The following CLHC1 variants were observed in gnomAD, a reference collection of about 807,000 sequenced individuals.
CLHC1 encodes clathrin heavy chain linker domain containing 1, also known as clathrin heavy chain linker domain-containing protein 1.
A neutral mutation model predicts 69.5 loss-of-function variants in CLHC1; 72 were observed. The ratio of observed to expected loss-of-function variants is 1.04; its 90% CI spans 0.86 to 1.26. The LOEUF (loss-of-function observed/expected upper bound fraction) is 1.26, where lower values mean the gene tolerates loss of function less well. Among genes scored for constraint, CLHC1 ranks in the 50% most tolerant of loss-of-function variants. The pLI, the probability that CLHC1 is intolerant of heterozygous loss-of-function variation, is 0.00. For synonymous variants in CLHC1, 223 were observed against 224.3 expected (o/e 0.99, Z 0.05); for missense variants, 790 against 679.3 (o/e 1.16, Z -1.81).
At chr2:55,220,726 T>C (rs1674031626) in intron 3 of CLHC1, among the ~76,000 whole-genome samples, 1 of 152,216 alleles carries the variant, frequency 6.6e-6, no homozygotes. Flanking sequence ...CATGCAAAGA[T>C]AAACATGTTA....
chr2:55,222,040 A>G (rs1674175822), intron 3 of CLHC1, among the ~76,000 whole-genome samples, 195 bp downstream of exon 3: 1 of 152,214 alleles, frequency 6.6e-6, no homozygotes, highest in Admixed American at 6.5e-5. Context: ...ACACTCATTC[A>G]CAGTCAGGAA....
chr2:55,221,669 G>T (rs1180324487), intron 3 of CLHC1, among the ~76,000 whole-genome samples: 2 of 152,304 alleles, frequency 1.3e-5, no homozygotes, highest in East Asian at 3.9e-4. Flanking sequence ...ATACAGCCAG[G>T]TAGTTGATCA....
intron 2 of CLHC1, chr2:55,224,426 C>T: frequency 2.3e-6 from 1 of 430,278 alleles, no homozygotes; most frequent in Non-Finnish European, 4.7e-6. Flanking sequence ...CACAAAGGAT[C>T]CCTTCACCTC....
upstream of CLHC1, chr2:55,232,344 G>T: frequency 4.0e-6 from 1 of 252,406 alleles, no homozygotes; most frequent in East Asian, 9.9e-5. Flanking sequence ...GAAGAAAGCA[G>T]TGGAGAACTA....
chr2:55,205,447 A>C (rs1672351675), intron 9 of CLHC1, among the ~76,000 whole-genome samples: 3 of 151,942 alleles, frequency 2.0e-5, no homozygotes, highest in Admixed American at 6.6e-5. Context: ...ACACCACAGA[A>C]TACTACTCAG....
chr2:55,184,243 C>T (rs949531824), intron 9 of CLHC1, among the ~76,000 whole-genome samples: 1 of 151,778 alleles, frequency 6.6e-6, no homozygotes, highest in African/African-American at 2.4e-5. Context: ...GTAGCTGGGA[C>T]TATAGTAATG....
At chr2:55,181,799 T>A in intron 9 of CLHC1, 55 bp from the exon 10 acceptor site, 1 of 1,363,970 alleles carries the variant, frequency 7.3e-7, no homozygotes, top group Non-Finnish European at 1.0e-6. Context: ...AGTTTGCTTT[T>A]TCTTATCTCA....
chr2:55,229,886 C>G (rs923259044), intron 1 of CLHC1, among the ~76,000 whole-genome samples: 2 of 152,132 alleles, frequency 1.3e-5, no homozygotes, highest in Non-Finnish European at 2.9e-5. Context: ...CCAGCCTGAC[C>G]AACATGGAAA....
At chr2:55,219,817 G>T (rs1673939714) in intron 3 of CLHC1, among the ~76,000 whole-genome samples, 2 of 152,134 alleles carry the variant, frequency 1.3e-5, no homozygotes, top group South Asian at 4.1e-4. Flanking sequence ...TCCTCCATAT[G>T]GATCTGAACT....
rs141634760 is a variant in CLHC1, at chr2:55,180,577, G to A, written c.1317C>T (p.Cys439=). ...ECGLHKKAIL[C]LCKQGQTHRV... ...TATGAGTCTGACCCTGTTTACACAA[G>A]CAAAGAATAGCTTTCTTGTGCAGGC... Residue 439 remains cysteine (C), a synonymous_variant, in exon 11 of 13, where the codon TGC becomes TGT. Coordinates refer to ENST00000401408, the MANE Select transcript of CLHC1 (RefSeq NM_152385.4). The A allele has an allele frequency of 2.0e-5, 32 of 1,614,054 alleles. No homozygotes were observed. In the Middle Eastern group the frequency reaches 4.9e-4, roughly 25 times the overall value.
chr2:55,196,014 C>A (rs748424476), intron 9 of CLHC1, among the ~76,000 whole-genome samples: 5 of 152,058 alleles, frequency 3.3e-5, no homozygotes, highest in African/African-American at 4.8e-5. Flanking sequence ...CCATGGAGAA[C>A]CTGTGCTTGG....
chr2:55,197,638 C>T (rs941568620), intron 9 of CLHC1, among the ~76,000 whole-genome samples: 2 of 152,150 alleles, frequency 1.3e-5, no homozygotes, highest in African/African-American at 2.4e-5. Context: ...AAAGGTGGTA[C>T]CTCTAATGCA....
intron 9 of CLHC1, 79 bp downstream of exon 9, chr2:55,206,191 G>T: frequency 1.2e-6 from 1 of 831,288 alleles, no homozygotes; most frequent in Non-Finnish European, 1.9e-6. Context: ...TAGTCTCCCA[G>T]TTTAATGCTT....
chr2:55,178,601 G>A (rs1452051371), intron 11 of CLHC1, among the ~76,000 whole-genome samples: 1 of 151,380 alleles, frequency 6.6e-6, no homozygotes, highest in African/African-American at 2.4e-5. Flanking sequence ...GCAGTCTCCC[G>A]CCTCAGCCTT....
At chr2:55,197,757 C>T (rs1368861089) in intron 9 of CLHC1, among the ~76,000 whole-genome samples, 1 of 152,124 alleles carries the variant, frequency 6.6e-6, no homozygotes, top group African/African-American at 2.4e-5. Flanking sequence ...ACTGTGAAGA[C>T]TACAATAAAT....
upstream of CLHC1, chr2:55,232,340 A>C: frequency 4.1e-6 from 1 of 244,762 alleles, no homozygotes; most frequent in South Asian, 4.8e-5. Flanking sequence ...GGTAGAAGAA[A>C]GCAGTGGAGA....
intron 9 of CLHC1, among the ~76,000 whole-genome samples, chr2:55,196,341 T>C (rs78690010): frequency 1.3e-5 from 2 of 152,008 alleles, no homozygotes; most frequent in East Asian, 1.9e-4. Context: ...TATTACCTAG[T>C]AAGAAATCAG....
intron 9 of CLHC1, among the ~76,000 whole-genome samples, chr2:55,189,394 G>A (rs1573625813): frequency 6.6e-6 from 1 of 152,172 alleles, no homozygotes; most frequent in Non-Finnish European, 1.5e-5. Flanking sequence ...CTAAACTCTT[G>A]CTTCTGGCAT....
intron 4 of CLHC1, chr2:55,214,585 C>T (rs1304228291): frequency 1.3e-5 from 2 of 152,148 alleles, no homozygotes; most frequent in African/African-American, 4.8e-5. Flanking sequence ...ATATAGTGCT[C>T]TTGGTAACTA....
Sources: allele counts gnomAD v4.1 joint callset (sites outside exome capture counted in the v4.1 genomes callset), GRCh38; gene constraint gnomAD v4.1.1; transcripts MANE v1.5; gene names NCBI Gene and HGNC (gene_info 2026-07-23, HGNC 2026-07-21).